Variants in PCDH15 observed in about 807,000 individuals in gnomAD.
The protein encoded by PCDH15 is protocadherin-15.
A neutral mutation model predicts 178.5 loss-of-function variants in PCDH15; 129 were observed. That is an observed-to-expected ratio of 0.72 (90% CI 0.63 to 0.84). PCDH15 has a LOEUF of 0.84. Among genes scored for constraint, PCDH15 ranks in the 40% least tolerant of loss-of-function variants. The probability of loss-of-function intolerance (pLI) is 0.00; values close to 1 mark genes in which losing one functional copy is unlikely to be tolerated. For synonymous variants in PCDH15, 800 were observed against 732.0 expected (o/e 1.09, Z -1.50); for missense variants, 2,230 against 2,099.9 (o/e 1.06, Z -1.21).
At chr10:55,358,931 C>T (rs1317084500) in intron 2 of PCDH15, among the ~76,000 whole-genome samples, 1 of 152,066 alleles carries the variant, frequency 6.6e-6, no homozygotes, top group Non-Finnish European at 1.5e-5. Context: ...ATGGCTCAGG[C>T]CTGTAGTCCC....
intron 2 of PCDH15, among the ~76,000 whole-genome samples, chr10:55,098,589 C>T (rs936416452): frequency 2.6e-5 from 4 of 151,976 alleles, no homozygotes; most frequent in African/African-American, 4.8e-5. Flanking sequence ...TTTGCCAAGC[C>T]ACGCTTTCAG....
At chr10:55,435,338 T>G (rs1839013464) in intron 2 of PCDH15, among the ~76,000 whole-genome samples, 1 of 152,174 alleles carries the variant, frequency 6.6e-6, no homozygotes, top group African/African-American at 2.4e-5. Context: ...ACTATTATTT[T>G]TAATATACCA....
chr10:54,751,523 T>C (rs1312286269), intron 1 of PCDH15, among the ~76,000 whole-genome samples: 1 of 152,128 alleles, frequency 6.6e-6, no homozygotes, highest in African/African-American at 2.4e-5. Flanking sequence ...TGCAACACAA[T>C]ATATTGCACC....
At chr10:53,934,421 C>T (rs2085375554) in intron 25 of PCDH15, among the ~76,000 whole-genome samples, 1 of 151,902 alleles carries the variant, frequency 6.6e-6, no homozygotes, top group South Asian at 2.1e-4. Flanking sequence ...GAAGTTGGCC[C>T]CCAATACCCA....
chr10:55,313,461 A>AAAGG (rs1271754192), intron 1 of PCDH15, among the ~76,000 whole-genome samples: 1 of 152,194 alleles, frequency 6.6e-6, no homozygotes, highest in African/African-American at 2.4e-5. Context: ...AATTTTGTGT[A>AAAGG]AAGGTTACCC....
At chr10:54,349,804 G>T (rs1943892690) in intron 5 of PCDH15, among the ~76,000 whole-genome samples, 1 of 152,076 alleles carries the variant, frequency 6.6e-6, no homozygotes, top group South Asian at 2.1e-4. Context: ...AATTGAATAT[G>T]CATTTGCTTA....
chr10:54,762,586 T>C (rs1484330378), intron 1 of PCDH15, among the ~76,000 whole-genome samples: 4 of 152,146 alleles, frequency 2.6e-5, no homozygotes, highest in Non-Finnish European at 5.9e-5. Flanking sequence ...TTTGTCTTGT[T>C]TGAAAAAATA....
chr10:54,422,375 T>C (rs1210107012), intron 3 of PCDH15, among the ~76,000 whole-genome samples: 1 of 152,126 alleles, frequency 6.6e-6, no homozygotes. Context: ...ATTGAGTGAA[T>C]GTATGTAGTT....
intron 29 of PCDH15, among the ~76,000 whole-genome samples, chr10:53,836,388 A>C (rs922131143): frequency 4.6e-5 from 7 of 152,154 alleles, no homozygotes; most frequent in Non-Finnish European, 4.4e-5. Flanking sequence ...ACCCAGCAGC[A>C]AGGAGGAGCA....
At chr10:55,343,197 A>C (rs1844650206) in intron 2 of PCDH15, among the ~76,000 whole-genome samples, 1 of 152,174 alleles carries the variant, frequency 6.6e-6, no homozygotes, top group South Asian at 2.1e-4. Flanking sequence ...GAAATTCTTG[A>C]AGGCAGAATC....
intron 15 of PCDH15, among the ~76,000 whole-genome samples, chr10:54,126,320 T>C (rs2041987424): frequency 6.6e-6 from 1 of 151,996 alleles, no homozygotes; most frequent in Non-Finnish European, 1.5e-5. Flanking sequence ...ATCCAACCCC[T>C]CAGCCTCTCA....
intron 17 of PCDH15, among the ~76,000 whole-genome samples, chr10:54,076,566 A>C (rs1027770644): frequency 2.0e-5 from 3 of 152,048 alleles, no homozygotes; most frequent in African/African-American, 7.2e-5. Context: ...CTTGTTCTGA[A>C]TCTTCAAAAA....
At chr10:55,282,858 C>A (rs910034888) in intron 1 of PCDH15, among the ~76,000 whole-genome samples, 1 of 152,128 alleles carries the variant, frequency 6.6e-6, no homozygotes, top group Non-Finnish European at 1.5e-5. Context: ...GTGAAAGAGA[C>A]CTGACCTAAC....
intron 15 of PCDH15, among the ~76,000 whole-genome samples, chr10:54,123,634 A>C (rs2041746407): frequency 2.0e-5 from 3 of 152,162 alleles, no homozygotes; most frequent in Admixed American, 2.0e-4. Context: ...AGAACTAAAA[A>C]TAGAACTACC....
chr10:54,783,206 C>T (rs1950536902), intron 1 of PCDH15, among the ~76,000 whole-genome samples: 1 of 151,684 alleles, frequency 6.6e-6, no homozygotes, highest in South Asian at 2.1e-4. Flanking sequence ...CAAGAAAACA[C>T]AGAAAAAATG....
intron 2 of PCDH15, chr10:54,600,051 G>A: frequency 1.6e-6 from 2 of 1,281,246 alleles, no homozygotes; most frequent in Non-Finnish European, 2.2e-6. Flanking sequence ...AACAGAAAGA[G>A]GAAGAAAAGG....
intron 1 of PCDH15, among the ~76,000 whole-genome samples, chr10:55,207,500 T>C (rs1166914098): frequency 6.6e-6 from 1 of 152,128 alleles, no homozygotes; most frequent in Non-Finnish European, 1.5e-5. Context: ...GCCCAAGTAG[T>C]CTTAATGCCG....
chr10:54,112,749 T>C (rs2095048909), intron 15 of PCDH15, among the ~76,000 whole-genome samples: 1 of 152,060 alleles, frequency 6.6e-6, no homozygotes, highest in African/African-American at 2.4e-5. Flanking sequence ...AAGAAAAAAA[T>C]TCAGAGTGAA....
intron 21 of PCDH15, among the ~76,000 whole-genome samples, chr10:53,969,595 G>A (rs1480101700): frequency 2.0e-5 from 3 of 152,142 alleles, no homozygotes; most frequent in African/African-American, 7.2e-5. Context: ...AAAATATTAA[G>A]GGCAGCCAGA....
Sources: gnomAD v4.1 joint callset for allele counts (sites outside exome capture counted in the v4.1 genomes callset) on GRCh38, gnomAD v4.1.1 for gene constraint, MANE v1.5 for transcripts, NCBI Gene and HGNC (gene_info 2026-07-23, HGNC 2026-07-21) for gene names.